CCDC3: variants seen among roughly 807,000 people sequenced by gnomAD.
The protein encoded by CCDC3 is coiled-coil domain containing 3.
CCDC3 carries 24 observed loss-of-function variants against 21.4 expected under a neutral mutation model. That is an observed-to-expected ratio of 1.12 (90% confidence interval 0.81 to 1.58). CCDC3 has a LOEUF of 1.58. CCDC3 is among the 40% of genes most tolerant of loss of function. The pLI, the probability that CCDC3 is intolerant of heterozygous loss-of-function variation, is 0.00. For missense variants in CCDC3, 425 were observed against 360.9 expected (o/e 1.18, Z -1.44); for synonymous variants, 186 against 166.0 (o/e 1.12, Z -0.93).
intron 1 of CCDC3, chr10:13,099,350 T>TTCTCTCCC (rs1832685390): frequency 6.6e-6 from 1 of 151,570 alleles, no homozygotes; most frequent in East Asian, 2.0e-4. Flanking sequence ...TTTGTTTTTT[T>TTCTCTCCC]TCTCTCCCTC....
intron 2 of CCDC3, among the ~76,000 whole-genome samples, chr10:12,927,299 C>T (rs1241554360): frequency 6.6e-6 from 1 of 152,158 alleles, no homozygotes; most frequent in Non-Finnish European, 1.5e-5. Flanking sequence ...TCAGATACCA[C>T]CTGTAAATAC....
intron 2 of CCDC3, among the ~76,000 whole-genome samples, chr10:12,901,757 G>C (rs1173111802): frequency 6.6e-6 from 1 of 152,202 alleles, no homozygotes; most frequent in Non-Finnish European, 1.5e-5. Flanking sequence ...ATCTCCTAAA[G>C]CCTTTAACTT....
At chr10:13,010,129 T>C (rs1468885257) in intron 5 of CCDC3, among the ~76,000 whole-genome samples, 2 of 152,088 alleles carry the variant, frequency 1.3e-5, no homozygotes, top group Non-Finnish European at 2.9e-5. Flanking sequence ...GTGCCTGTAG[T>C]CCCAGCTACT....
intron 3 of CCDC3, among the ~76,000 whole-genome samples, chr10:13,078,301 C>A (rs561641097): frequency 6.6e-6 from 1 of 152,158 alleles, no homozygotes; most frequent in African/African-American, 2.4e-5. Flanking sequence ...AAATCAAAAC[C>A]ACAATGAGAT....
chr10:12,997,255 A>G (rs920531057), intron 2 of CCDC3, among the ~76,000 whole-genome samples: 4 of 152,052 alleles, frequency 2.6e-5, no homozygotes, highest in Non-Finnish European at 5.9e-5. Flanking sequence ...AAAAAAAAAA[A>G]AAGTCCTTAT....
chr10:13,049,064 C>T (rs1193807452), intron 5 of CCDC3, among the ~76,000 whole-genome samples: 1 of 152,176 alleles, frequency 6.6e-6, no homozygotes, highest in Non-Finnish European at 1.5e-5. Flanking sequence ...TGACTCGATA[C>T]AGGCTTTGGG....
chr10:13,043,751 A>G (rs967188165), intron 5 of CCDC3, among the ~76,000 whole-genome samples: 3 of 152,204 alleles, frequency 2.0e-5, no homozygotes, highest in Non-Finnish European at 2.9e-5. Context: ...TATCCAGTAC[A>G]GCATTGATGG....
intron 3 of CCDC3, among the ~76,000 whole-genome samples, chr10:13,095,434 G>A (rs1306828875): frequency 6.6e-6 from 1 of 151,978 alleles, no homozygotes; most frequent in Non-Finnish European, 1.5e-5. Context: ...GATGGTGGTG[G>A]GTGGGGGGGT....
chr10:12,929,927 G>A (rs1309212297), intron 2 of CCDC3, among the ~76,000 whole-genome samples: 1 of 152,114 alleles, frequency 6.6e-6, no homozygotes, highest in Non-Finnish European at 1.5e-5. Flanking sequence ...TATAACAGAA[G>A]GCACAATCAG....
intron 4 of CCDC3, among the ~76,000 whole-genome samples, chr10:13,055,114 C>A (rs1588408388): frequency 6.6e-6 from 1 of 152,190 alleles, no homozygotes; most frequent in African/African-American, 2.4e-5. Context: ...TTACTTAATG[C>A]CAAGCAGGTG....
intron 2 of CCDC3, among the ~76,000 whole-genome samples, chr10:12,906,161 G>T: frequency 6.6e-6 from 1 of 152,202 alleles, no homozygotes; most frequent in Non-Finnish European, 1.5e-5. Flanking sequence ...ACTGGAGGAT[G>T]CCCAGAGCTG....
At chr10:13,013,904 G>A (rs1043382410) in intron 5 of CCDC3, among the ~76,000 whole-genome samples, 6 of 151,864 alleles carry the variant, frequency 4.0e-5, no homozygotes, top group East Asian at 3.9e-4. Context: ...TAATCCCAGC[G>A]CTTTGGGAGG....
chr10:12,936,845 C>T (rs1284689449), intron 2 of CCDC3, among the ~76,000 whole-genome samples: 1 of 152,188 alleles, frequency 6.6e-6, no homozygotes, highest in East Asian at 1.9e-4. Context: ...CCCAGGAGTT[C>T]GAGGCTACAG....
chr10:12,987,084 G>T (rs1326795251), intron 2 of CCDC3, among the ~76,000 whole-genome samples: 1 of 152,132 alleles, frequency 6.6e-6, no homozygotes, highest in Non-Finnish European at 1.5e-5. Context: ...TCCATTCCCT[G>T]GTATGCAGCC....
intron 1 of CCDC3, among the ~76,000 whole-genome samples, chr10:12,999,605 G>A (rs1288745820): frequency 1.3e-5 from 2 of 152,202 alleles, no homozygotes; most frequent in African/African-American, 4.8e-5. Context: ...AGACAGCCCT[G>A]TGAAATGAAA....
At chr10:13,058,302 T>C (rs1588409644) in intron 4 of CCDC3, 1 of 1,360,194 alleles carries the variant, frequency 7.4e-7, no homozygotes, top group East Asian at 2.3e-5. Context: ...TCATCGCCAG[T>C]CACCTTCACT....
At chr10:12,958,479 C>A (rs550145508) in intron 2 of CCDC3, among the ~76,000 whole-genome samples, 1 of 152,264 alleles carries the variant, frequency 6.6e-6, no homozygotes, top group South Asian at 2.1e-4. Flanking sequence ...CTTTGGGTAC[C>A]ATTTCAAAGC....
intron 2 of CCDC3, among the ~76,000 whole-genome samples, chr10:12,995,656 T>C (rs971178955): frequency 1.3e-5 from 2 of 152,212 alleles, no homozygotes; most frequent in Admixed American, 1.3e-4. Context: ...TTGAACTAAA[T>C]TCTGCTCCAC....
At chr10:12,960,165 C>CGCA in intron 2 of CCDC3, among the ~76,000 whole-genome samples, 1 of 17,100 alleles carries the variant, frequency 5.8e-5, no homozygotes, top group Non-Finnish European at 1.3e-4. Flanking sequence ...CACACACACA[C>CGCA]ACAACACACA....
Sources: allele counts gnomAD v4.1 joint callset (sites outside exome capture counted in the v4.1 genomes callset), GRCh38; gene constraint gnomAD v4.1.1; transcripts MANE v1.5; gene names NCBI Gene and HGNC (gene_info 2026-07-23, HGNC 2026-07-21).